MPHOSPH9: variants seen among roughly 807,000 people sequenced by gnomAD.
MPHOSPH9 encodes the protein M-phase phosphoprotein 9.
In MPHOSPH9, 88 loss-of-function variants were observed where a neutral mutation model predicts 145.5. The observed-to-expected ratio is 0.60, with a 90% CI of 0.51 to 0.72. The LOEUF is 0.72. Ranked by LOEUF, MPHOSPH9 falls within the 30% of genes least tolerant of loss-of-function variation. MPHOSPH9 has a pLI of 0.00. For missense variants in MPHOSPH9, 1,238 were observed against 1,386.6 expected, an observed-to-expected ratio of 0.89 and a Z score of 1.70; for synonymous variants, 435 against 486.2, an observed-to-expected ratio of 0.89 and a Z score of 1.39.
intron 2 of MPHOSPH9, 142 bp downstream of exon 2, chr12:123,230,119 G>A (rs2047585245): frequency 5.4e-6 from 3 of 555,992 alleles, no homozygotes; most frequent in South Asian, 4.7e-5. Context: ...ACCGCGCCCA[G>A]CCTCCCTGAA....
intron 1 of MPHOSPH9, among the ~76,000 whole-genome samples, chr12:123,232,744 A>G (rs1016762956): frequency 2.0e-5 from 3 of 152,102 alleles, no homozygotes; most frequent in Admixed American, 6.5e-5. Context: ...CTGCAACTAC[A>G]ACCGCGATTC....
intron 23 of MPHOSPH9, chr12:123,160,180 T>C (rs1334039264): frequency 1.3e-5 from 2 of 152,082 alleles, no homozygotes; most frequent in Non-Finnish European, 2.9e-5. Flanking sequence ...CTATAAATTA[T>C]TGACTAATAT....
chr12:123,223,005 TA>T (rs36043549), intron 4 of MPHOSPH9, 32 bp downstream of exon 4: 949,053 of 1,256,664 alleles, frequency 0.76, 371,553 homozygotes, highest in East Asian at 1. Context: ...TATATGTATA[TA>T]AAAAAAGGAA....
At chr12:123,182,263 T>TTTTTTTTTTTTGATGTTC (rs2045214369) in intron 13 of MPHOSPH9, among the ~76,000 whole-genome samples, 1 of 81,722 alleles carries the variant, frequency 1.2e-5, no homozygotes, top group Non-Finnish European at 2.4e-5. Context: ...TTTTTTTTGT[T>TTTTTTTTTTTTGATGTTC]TTTTTTTTTT....
At chr12:123,240,118 CTT>C (rs1194246547) in intron 1 of MPHOSPH9, among the ~76,000 whole-genome samples, 1 of 150,984 alleles carries the variant, frequency 6.6e-6, no homozygotes, top group African/African-American at 2.4e-5. Context: ...AATCCCAGCA[CTT>C]TGAGAGGCTG....
chr12:123,217,007 A>G (rs2046995775), intron 6 of MPHOSPH9, among the ~76,000 whole-genome samples: 1 of 151,832 alleles, frequency 6.6e-6, no homozygotes, highest in African/African-American at 2.4e-5. Flanking sequence ...AAATAAATAA[A>G]TAAATAAATA....
intron 6 of MPHOSPH9, among the ~76,000 whole-genome samples, chr12:123,216,329 G>A (rs756815215): frequency 6.6e-5 from 10 of 152,216 alleles, no homozygotes; most frequent in Non-Finnish European, 1.3e-4. Context: ...AAAATTTATT[G>A]AAAGAGGAAT....
In MPHOSPH9 at chr12:123,166,669, T is replaced by C. The variant is rs1245933506; in HGVS notation, c.2577A>G (p.Glu859=). 1 of 1,613,426 alleles carries C rather than the reference T, an allele frequency of 6.2e-7. No homozygotes were observed. Among genetic ancestry groups the C allele is most frequent in the Non-Finnish European group, 8.5e-7 (1 of 1,179,808 alleles). Residue 859 remains glutamate, a synonymous_variant, in exon 17 of 24, where the codon GAA becomes GAG. Transcript: ENST00000606320. ...QDSNVDNQLE[E]TCSLGHRSPL... ...AGTTATCTCACCCTAGGCTACAGGT[T>C]TCCTCCAGCTGGTTATCCACGTTAC...
chr12:123,198,965 A>T (rs1282173896), intron 11 of MPHOSPH9, among the ~76,000 whole-genome samples: 2 of 151,228 alleles, frequency 1.3e-5, no homozygotes, highest in Non-Finnish European at 2.9e-5. Flanking sequence ...TTAAATTTGG[A>T]TTTGGGATTT....
Position 123,203,383 on chromosome 12 carries a change from A to G in MPHOSPH9, c.1195-8T>C. 6.4e-7 allele frequency: 1 copy of G among 1,573,094 alleles called. No individual in the cohort carries two copies. The highest frequency in any genetic ancestry group is 8.6e-7 in the Non-Finnish European group (1 of 1,157,988). ...CTCATTACTAGTATTAGACTTAAAG[A>G]TACGAAACAAAATTAAATGGTGTTA... On this transcript the variant is annotated splice_polypyrimidine_tract_variant and splice_region_variant and intron_variant, in intron 8 of 23. Coordinates refer to ENST00000606320, the MANE Select transcript of MPHOSPH9 (RefSeq NM_022782.4).
Position 123,203,021 on chromosome 12 carries a change from G to C in MPHOSPH9, c.1384C>G (p.His462Asp). Residue 462 changes from histidine (H) to aspartate (D), a missense_variant, in exon 10 of 24, where the codon CAC becomes GAC. By Grantham distance (81) the His-to-Asp change is moderately conservative. Coordinates refer to ENST00000606320, the MANE Select transcript of MPHOSPH9 (RefSeq NM_022782.4). ...PKQQISGIQP[H>D]GLPNALDDRI... ...TCATCAAGGGCATTCGGAAGGCCGT[G>C]AGGTTGAATCCCTGAAATCTGCTGC... 1 of 1,614,214 alleles carries C rather than the reference G, an allele frequency of 6.2e-7. No homozygotes were observed.
chr12:123,186,765 A>T (rs1429575871), intron 13 of MPHOSPH9, among the ~76,000 whole-genome samples: 1 of 152,184 alleles, frequency 6.6e-6, no homozygotes, highest in East Asian at 1.9e-4. Context: ...TTTCGAGGTC[A>T]GCCTGGCCAA....
At chr12:123,218,246 C>T (rs1200470227) in intron 6 of MPHOSPH9, 130 bp downstream of exon 6, 10 of 1,341,290 alleles carry the variant, frequency 7.5e-6, no homozygotes, top group Non-Finnish European at 9.1e-6. Flanking sequence ...AAAACAACAA[C>T]AAAAAAAATG....
intron 6 of MPHOSPH9, among the ~76,000 whole-genome samples, chr12:123,215,644 C>T (rs995176379): frequency 1.3e-5 from 2 of 152,138 alleles, no homozygotes; most frequent in African/African-American, 4.8e-5. Flanking sequence ...CTTATCAATT[C>T]TAGTAAAAAT....
At chr12:123,163,814 G>T in intron 19 of MPHOSPH9, 136 bp downstream of exon 19, 2 of 845,106 alleles carry the variant, frequency 2.4e-6, no homozygotes, top group Non-Finnish European at 3.5e-6. Context: ...TCTTATTTAG[G>T]GGTCCTCTGC....
At chr12:123,240,010 C>T (rs974191590) in intron 1 of MPHOSPH9, among the ~76,000 whole-genome samples, 6 of 152,052 alleles carry the variant, frequency 3.9e-5, no homozygotes, top group African/African-American at 1.4e-4. Context: ...AGCACTTAGC[C>T]TTGCCATGGG....
In MPHOSPH9 at chr12:123,166,470, T is replaced by G. The variant is rs2044324897; in HGVS notation, c.2591+185A>C. On this transcript the variant is annotated intron_variant, in intron 17 of 23. Transcript: ENST00000606320. ...TGCCACTGAGCACAGGTGGGGAAGC[T>G]TGGCAGAGCTCATGGAAGTAAAATA... is the stretch of plus-strand genomic sequence containing the variant. The G allele has an allele frequency of 4.3e-6, 3 of 698,228 alleles. No homozygotes were observed. In the South Asian group the frequency reaches 5.4e-5, roughly 13 times the overall value. The allele number at this position is 698,228 out of a possible 1,614,324, so 43.3% of individuals were successfully genotyped here. A position where few individuals can be genotyped will look rare whatever the true frequency, so the allele number is the denominator to read the frequency against.
rs1256232810 is a variant in MPHOSPH9 at position 123,159,095 on chromosome 12, T to C, written c.3450+1686A>G. Among the ~76,000 whole-genome samples the C allele has an allele frequency of 6.6e-6, 1 of 152,034 alleles. No individual in the cohort carries two copies. Among genetic ancestry groups the C allele is most frequent in the Non-Finnish European group, 1.5e-5 (1 of 67,994 alleles). Reference sequence around the variant, plus strand: ...ACACAGCGAGACTCCGTCTCCAAACTAGATAAATAAAAGATTAGCCAAGAC... The same window carrying C: ...ACACAGCGAGACTCCGTCTCCAAACCAGATAAATAAAAGATTAGCCAAGAC... On this transcript the variant is annotated intron_variant, in intron 23 of 23. Transcript: ENST00000606320. This position sits in a 1 kb window ranked among gnomAD's most constrained non-coding sequence, Gnocchi z 4.3.
Position 123,207,902 on chromosome 12 carries a change from T to C in MPHOSPH9, c.1194+2154A>G, listed in dbSNP as rs192198206. On this transcript the variant is annotated intron_variant, in intron 8 of 23. Coordinates refer to ENST00000606320, the MANE Select transcript of MPHOSPH9 (RefSeq NM_022782.4). ...AAAATACAGAGGTGAAATAGGTACATTGATGTACATTTACTGAATAGTTTT... is the reference window on the plus strand; with the variant it reads ...AAAATACAGAGGTGAAATAGGTACACTGATGTACATTTACTGAATAGTTTT... 9.9e-5 allele frequency among the ~76,000 whole-genome samples: 15 copies of C among 150,842 alleles called. No individual in the cohort carries two copies. In the East Asian group the frequency reaches 2.0e-3, roughly 20 times the overall value.
Sources: gnomAD v4.1 joint callset for allele counts (sites outside exome capture counted in the v4.1 genomes callset) on GRCh38, gnomAD v4.1.1 for gene constraint, Gnocchi (gnomAD v3.1) non-coding constraint, MANE v1.5 for transcripts, NCBI Gene and HGNC (gene_info 2026-07-23, HGNC 2026-07-21) for gene names.